Variants in CACNA2D3 observed in about 807,000 individuals in gnomAD.
The protein encoded by CACNA2D3 is voltage-dependent calcium channel subunit alpha-2/delta-3.
In CACNA2D3, 60 loss-of-function variants were observed where a neutral mutation model predicts 160.6. That is an observed-to-expected ratio of 0.37 (90% CI 0.30 to 0.46). The LOEUF (loss-of-function observed/expected upper bound fraction) is 0.46, where lower values mean the gene tolerates loss of function less well. CACNA2D3 is among the 20% of genes least tolerant of loss of function. The pLI, the probability that CACNA2D3 is intolerant of heterozygous loss-of-function variation, is 1.00. For missense variants in CACNA2D3, 1,205 were observed against 1,365.0 expected (o/e 0.88, Z 1.85); for synonymous variants, 558 against 492.9 (o/e 1.13, Z -1.75).
intron 2 of CACNA2D3, among the ~76,000 whole-genome samples, chr3:54,199,528 C>T (rs1701140117): frequency 6.6e-6 from 1 of 151,962 alleles, no homozygotes; most frequent in Non-Finnish European, 1.5e-5. Flanking sequence ...CTCCGCCTCC[C>T]GCCACTAATT....
At chr3:54,249,233 G>A (rs1041140575) in intron 2 of CACNA2D3, among the ~76,000 whole-genome samples, 1 of 152,154 alleles carries the variant, frequency 6.6e-6, no homozygotes, top group Non-Finnish European at 1.5e-5. Flanking sequence ...GCGTGCGGGT[G>A]CCAAGTTGAC....
chr3:54,273,702 C>T lies in CACNA2D3; in HGVS notation c.205-46740C>T, dbSNP rs555900084. 4.2e-3 allele frequency among the ~76,000 whole-genome samples: 640 copies of T among 152,340 alleles called. 3 individuals are homozygous for T. Among genetic ancestry groups the T allele is most frequent in the South Asian group, 0.02 (96 of 4,826 alleles). Reference sequence around the variant, plus strand: ...TGACCACCCGACTGGGAAGGGTCTCCATCTGGCGACCGTTCTCGGAGTTTG... The same window carrying T: ...TGACCACCCGACTGGGAAGGGTCTCTATCTGGCGACCGTTCTCGGAGTTTG... On this transcript the variant is annotated intron_variant, in intron 2 of 37. Transcript: ENST00000474759.
intron 2 of CACNA2D3, among the ~76,000 whole-genome samples, chr3:54,264,065 C>A (rs1278806660): frequency 2.0e-5 from 3 of 152,152 alleles, no homozygotes; most frequent in African/African-American, 4.8e-5. Context: ...GTCTTGAATG[C>A]CAGTGTTTTA....
chr3:54,890,621 T>C (rs1339582471), intron 24 of CACNA2D3, among the ~76,000 whole-genome samples: 3 of 152,092 alleles, frequency 2.0e-5, no homozygotes, highest in African/African-American at 7.2e-5. Context: ...CTCAAGCATA[T>C]AGAATTTGCC....
At chr3:54,547,995 A>G (rs78285149) in intron 5 of CACNA2D3, among the ~76,000 whole-genome samples, 1,879 of 152,282 alleles carry the variant, frequency 0.012, 58 homozygotes, top group East Asian at 0.12. Context: ...CACCCAGCCT[A>G]AAACCTCATT....
At chr3:55,000,009 C>T (rs959491443) in intron 31 of CACNA2D3, among the ~76,000 whole-genome samples, 15 of 152,054 alleles carry the variant, frequency 9.9e-5, no homozygotes, top group African/African-American at 1.4e-4. Flanking sequence ...GGGCACACAG[C>T]GATGCTAATG....
intron 4 of CACNA2D3, among the ~76,000 whole-genome samples, chr3:54,394,286 A>G (rs370298527): frequency 1.4e-3 from 209 of 150,278 alleles, no homozygotes; most frequent in African/African-American, 3.7e-3. Flanking sequence ...TGTGTAGGCA[A>G]TCTGCCTGCA....
chr3:54,673,866 C>G (rs866034743), intron 11 of CACNA2D3, among the ~76,000 whole-genome samples: 13 of 152,194 alleles, frequency 8.5e-5, no homozygotes, highest in Non-Finnish European at 1.6e-4. Context: ...CCTTCACTCT[C>G]TCCTCTCCAC....
intron 2 of CACNA2D3, among the ~76,000 whole-genome samples, chr3:54,194,088 G>C (rs901876307): frequency 1.3e-5 from 2 of 152,048 alleles, no homozygotes; most frequent in African/African-American, 4.8e-5. Context: ...TGTGAGTGGT[G>C]GTGGGGGATA....
At chr3:54,891,304 A>G in intron 24 of CACNA2D3, 51 bp from the exon 25 acceptor site, 2 of 1,244,584 alleles carry the variant, frequency 1.6e-6, no homozygotes, top group South Asian at 1.2e-5. Flanking sequence ...GCAATGTATT[A>G]TCTGCTTACT....
chr3:54,526,038 C>T (rs1701718069), intron 5 of CACNA2D3, among the ~76,000 whole-genome samples: 1 of 151,638 alleles, frequency 6.6e-6, no homozygotes, highest in Admixed American at 6.6e-5. Flanking sequence ...TTTTTAATTG[C>T]ATAATCTCTA....
intron 2 of CACNA2D3, among the ~76,000 whole-genome samples, chr3:54,180,820 T>G (rs984661201): frequency 3.9e-5 from 6 of 152,212 alleles, no homozygotes; most frequent in Admixed American, 3.3e-4. Flanking sequence ...ACTAAGCCTG[T>G]ACTTGTCTGC....
intron 8 of CACNA2D3, among the ~76,000 whole-genome samples, chr3:54,573,119 TG>T: frequency 6.6e-6 from 1 of 152,336 alleles, no homozygotes; most frequent in South Asian, 2.1e-4. Flanking sequence ...ACCCTCACTG[TG>T]CATCTGTTTG....
At chr3:54,943,962 A>G (rs1017688175) in intron 27 of CACNA2D3, among the ~76,000 whole-genome samples, 1 of 152,158 alleles carries the variant, frequency 6.6e-6, no homozygotes, top group African/African-American at 2.4e-5. Context: ...CCGACCTTGT[A>G]GCTCTGAAAA....
At chr3:54,912,528 C>A (rs1300133976) in intron 27 of CACNA2D3, among the ~76,000 whole-genome samples, 1 of 152,162 alleles carries the variant, frequency 6.6e-6, no homozygotes, top group Non-Finnish European at 1.5e-5. Context: ...GCCTTTGCAC[C>A]TGCCATGCCT....
chr3:54,423,061 G>A (rs1273268060), intron 4 of CACNA2D3, among the ~76,000 whole-genome samples: 1 of 152,140 alleles, frequency 6.6e-6, no homozygotes, highest in Non-Finnish European at 1.5e-5. Context: ...GCAGGATTCA[G>A]AATTATTTGT....
At chr3:54,507,396 G>T (rs922137053) in intron 5 of CACNA2D3, among the ~76,000 whole-genome samples, 2 of 152,140 alleles carry the variant, frequency 1.3e-5, no homozygotes, top group Non-Finnish European at 1.5e-5. Context: ...TTCTGTGAAT[G>T]CAGAGCATGC....
intron 34 of CACNA2D3, among the ~76,000 whole-genome samples, chr3:55,012,643 A>G (rs573592049): frequency 1.3e-5 from 2 of 152,214 alleles, no homozygotes; most frequent in Middle Eastern, 6.8e-3. Flanking sequence ...GGCTGGAGAC[A>G]TTTTTGCTGT....
At chr3:54,374,942 C>T (rs1337426321) in intron 3 of CACNA2D3, among the ~76,000 whole-genome samples, 3 of 152,152 alleles carry the variant, frequency 2.0e-5, no homozygotes, top group Admixed American at 2.0e-4. Context: ...GCTCCCTGCC[C>T]CCGACACAGG....
Sources: gnomAD v4.1 joint callset for allele counts (sites outside exome capture counted in the v4.1 genomes callset) on GRCh38, gnomAD v4.1.1 for gene constraint, MANE v1.5 for transcripts, NCBI Gene and HGNC (gene_info 2026-07-23, HGNC 2026-07-21) for gene names.